Variants in FZD1 observed in about 807,000 individuals in gnomAD.
The protein encoded by FZD1 is frizzled-1.
A neutral mutation model predicts 48.0 loss-of-function variants in FZD1; 22 were observed. The observed-to-expected ratio is 0.46, with a 90% confidence interval of 0.33 to 0.65. The LOEUF (loss-of-function observed/expected upper bound fraction) is 0.65, where lower values mean the gene tolerates loss of function less well. Ranked by LOEUF, FZD1 falls within the 30% of genes least tolerant of loss-of-function variation. FZD1 has a pLI of 0.02. For synonymous variants in FZD1, 486 were observed against 409.6 expected (o/e 1.19, Z -2.25); for missense variants, 843 against 898.1 (o/e 0.94, Z 0.78).
Position 91,266,701 on chromosome 7 carries a change from C to T in FZD1, c.1821C>T (p.Tyr607=), listed in dbSNP as rs1443021158. 3.1e-6 allele frequency: 5 copies of T among 1,612,138 alleles called. No individual in the cohort carries two copies. The African/African-American group carries it at 4.0e-5, about 13-fold the overall frequency. ...ACTTCACGGTCTTCATGATTAAGTA[C>T]CTTATGACGCTGATCGTGGGCATCA... ...SPDFTVFMIK[Y]LMTLIVGITS... Residue 607 remains tyrosine, a synonymous_variant, in exon 1 of 1, where the codon TAC becomes TAT. Coordinates refer to ENST00000287934, the MANE Select transcript of FZD1 (RefSeq NM_003505.2). The surrounding 1 kb of genome is among the most constrained non-coding windows in gnomAD (Gnocchi z 6.8).
Position 91,264,858 on chromosome 7 carries a change from G to A in FZD1, c.-23G>A. Reference sequence around the variant, plus strand: ...CCCCTGGCAGCCCCAGCGGAGCGGCGCCAAGAGAGGAGCCGAGAAAGTATG... The same window carrying A: ...CCCCTGGCAGCCCCAGCGGAGCGGCACCAAGAGAGGAGCCGAGAAAGTATG... On this transcript the variant is annotated 5_prime_UTR_variant, in exon 1 of 1. Transcript: ENST00000287934. 7.8e-7 allele frequency: 1 copy of A among 1,278,514 alleles called. No homozygotes were observed. Among genetic ancestry groups the A allele is most frequent in the Non-Finnish European group, 9.8e-7 (1 of 1,015,274 alleles). 79.2% of individuals were successfully genotyped at this position (1,278,514 alleles called of 1,614,324 possible).
In FZD1 at chr7:91,265,691, C is replaced by T; in HGVS notation, c.811C>T (p.Arg271Ter). The change falls in exon 1 of 1, where the codon CGA (arginine) becomes TGA (stop). Residue 271 changes from arginine (R) to a stop codon, truncating the protein, a stop_gained. Transcript: ENST00000287934. LOFTEE classifies it high-confidence loss of function. The surrounding 1 kb of genome is among the most constrained non-coding windows in gnomAD (Gnocchi z 6.9). Reference sequence around the variant, plus strand: ...CCCGGGGGGCGCCGGCGCGTCGGAGCGAGGCAAGTTCTCCTGCCCGCGCGC... The same window carrying T: ...CCCGGGGGGCGCCGGCGCGTCGGAGTGAGGCAAGTTCTCCTGCCCGCGCGC... ...GFPGGAGASE[R>*]GKFSCPRALK... 6.3e-7 allele frequency: 1 copy of T among 1,588,390 alleles called. No individual in the cohort carries two copies.
Position 91,265,587 on chromosome 7 carries a change from G to T in FZD1, c.707G>T (p.Gly236Val), listed in dbSNP as rs1803863288. 2.5e-6 allele frequency: 4 copies of T among 1,608,934 alleles called. No homozygotes were observed. Among genetic ancestry groups the T allele is most frequent in the Non-Finnish European group, 3.4e-6 (4 of 1,179,206 alleles). The change falls in exon 1 of 1, where the codon GGC (glycine) becomes GTC (valine). Residue 236 changes from glycine (G) to valine (V), a missense_variant. This residue lies in a region of FZD1 where 490 missense variants were observed against 466.5 expected (regional missense o/e 1.05). Coordinates refer to ENST00000287934, the MANE Select transcript of FZD1 (RefSeq NM_003505.2). The surrounding 1 kb of genome is among the most constrained non-coding windows in gnomAD (Gnocchi z 6.9). ...LCVGQNTSDK[G>V]TPTPSLLPEF... is the part of the protein sequence containing the mutation. ...GTGGGCCAGAACACGTCCGACAAGG[G>T]CACCCCGACGCCCTCGCTGCTTCCA... is the stretch of plus-strand genomic sequence containing the variant.
chr7:91,266,663 C>A lies in FZD1; in HGVS notation c.1783C>A (p.Pro595Thr), dbSNP rs760794294. The A allele has an allele frequency of 6.2e-7, 1 of 1,613,342 alleles. No individual in the cohort carries two copies. The highest frequency in any genetic ancestry group is 8.5e-7 in the Non-Finnish European group (1 of 1,179,920). ...GGGCGGAGGCGCCCCGCCGCACCCGCCCATGAGCCCGGACTTCACGGTCTT... is the reference window on the plus strand; with the variant it reads ...GGGCGGAGGCGCCCCGCCGCACCCGACCATGAGCCCGGACTTCACGGTCTT... ...QAGGGAPPHP[P>T]MSPDFTVFMI... Residue 595 changes from proline to threonine, a missense_variant, in exon 1 of 1, where the codon CCC becomes ACC. Pro to Thr is a conservative substitution (Grantham distance 38). Coordinates refer to ENST00000287934, the MANE Select transcript of FZD1 (RefSeq NM_003505.2). The surrounding 1 kb of genome is among the most constrained non-coding windows in gnomAD (Gnocchi z 6.8).
rs1471984211 is a variant in FZD1, at chr7:91,269,801, A to G, written c.*2977A>G. 1 of 166,988 alleles carries G rather than the reference A, an allele frequency of 6.0e-6. No homozygotes were observed. The highest frequency in any genetic ancestry group is 2.4e-5 in the African/African-American group (1 of 41,454). 10.3% of individuals were successfully genotyped at this position (166,988 alleles called of 1,614,324 possible). A position where few individuals can be genotyped will look rare whatever the true frequency, so the allele number is the denominator to read the frequency against. On this transcript the variant is annotated 3_prime_UTR_variant, in exon 1 of 1. Transcript: ENST00000287934. ...AGGCCAAATTCACACATATCTCCTC[A>G]CTAAGTAGTTCAATTAGATAATTTC...
Position 91,265,935 on chromosome 7 carries a change from A to T in FZD1, c.1055A>T (p.Glu352Val). ...LVDMRRFSYP[E>V]RPIIFLSGCY... Reference sequence around the variant, plus strand: ...GACATGCGGCGCTTCAGCTACCCGGAGCGGCCCATCATCTTCTTGTCCGGC... The same window carrying T: ...GACATGCGGCGCTTCAGCTACCCGGTGCGGCCCATCATCTTCTTGTCCGGC... The change falls in exon 1 of 1, where the codon GAG (glutamate) becomes GTG (valine). Residue 352 changes from glutamate (E) to valine (V), a missense_variant. This residue lies in a region of FZD1 where 353 missense variants were observed against 431.6 expected (regional missense o/e 0.82). Coordinates refer to ENST00000287934, the MANE Select transcript of FZD1 (RefSeq NM_003505.2). The surrounding 1 kb of genome is among the most constrained non-coding windows in gnomAD (Gnocchi z 6.9). 6.2e-7 allele frequency: 1 copy of T among 1,614,118 alleles called. No individual in the cohort carries two copies. Among genetic ancestry groups the T allele is most frequent in the Non-Finnish European group, 8.5e-7 (1 of 1,180,024 alleles).
Position 91,265,775 on chromosome 7 carries a change from C to G in FZD1, c.895C>G (p.Pro299Ala). The G allele has an allele frequency of 6.2e-7, 1 of 1,612,654 alleles. No individual in the cohort carries two copies. Among genetic ancestry groups the G allele is most frequent in the Non-Finnish European group, 8.5e-7 (1 of 1,179,120 alleles). The change falls in exon 1 of 1, where the codon CCT becomes GCT. Residue 299 changes from proline (P) to alanine (A), a missense_variant. Around this residue, in one of 2 missense-constraint regions of FZD1, gnomAD observed 490 missense variants for 466.5 expected, o/e 1.05. Coordinates refer to ENST00000287934, the MANE Select transcript of FZD1 (RefSeq NM_003505.2). This position sits in a 1 kb window ranked among gnomAD's most constrained non-coding sequence, Gnocchi z 6.9. ...HFLGEKDCGA[P>A]CEPTKVYGLM... ...CCTGGGGGAGAAGGACTGCGGCGCA[C>G]CTTGTGAGCCGACCAAGGTGTATGG...
Position 91,264,543 on chromosome 7 carries a change from G to T in FZD1, c.-338G>T, listed in dbSNP as rs1354203424. On this transcript the variant is annotated 5_prime_UTR_variant, in exon 1 of 1. Coordinates refer to ENST00000287934, the MANE Select transcript of FZD1 (RefSeq NM_003505.2). ...GGAGGCGCAGGGGGGAGCCGAGCCC[G>T]CTGGGCTGCGGAGAGTTGCGCTCTC... is the stretch of plus-strand genomic sequence containing the variant. 6 of 343,264 alleles carry T rather than the reference G, an allele frequency of 1.7e-5. No homozygotes were observed. The highest frequency in any genetic ancestry group is 2.6e-5 in the Non-Finnish European group (5 of 189,748). The allele number at this position is 343,264 out of a possible 1,614,324, so 21.3% of individuals were successfully genotyped here.
chr7:91,265,562 G>T lies in FZD1; in HGVS notation c.682G>T (p.Val228Leu). The T allele has an allele frequency of 6.2e-7, 1 of 1,610,702 alleles. No individual in the cohort carries two copies. ...FPVHGAGELC[V>L]GQNTSDKGTP... is the part of the protein sequence containing the mutation. ...GGTGCACGGCGCCGGCGAGCTGTGC[G>T]TGGGCCAGAACACGTCCGACAAGGG... Residue 228 changes from valine (V) to leucine (L), a missense_variant, in exon 1 of 1, where the codon GTG becomes TTG. By Grantham distance (32) the Val-to-Leu change is conservative. This residue lies in a region of FZD1 where 490 missense variants were observed against 466.5 expected (regional missense o/e 1.05). Coordinates refer to ENST00000287934, the MANE Select transcript of FZD1 (RefSeq NM_003505.2). The surrounding 1 kb of genome is among the most constrained non-coding windows in gnomAD (Gnocchi z 6.9).
chr7:91,269,986 G>A lies in FZD1; in HGVS notation c.*3162G>A, dbSNP rs1163550525. On this transcript the variant is annotated 3_prime_UTR_variant, in exon 1 of 1. Transcript: ENST00000287934. The stretch of plus-strand genomic sequence containing the variant: ...AGAAGACATTTTTAAGTCACCACCA[G>A]CCTTTATTCTTAGAAAACAATTTAT... The A allele has an allele frequency of 6.0e-6, 1 of 167,002 alleles. No individual in the cohort carries two copies. The highest frequency in any genetic ancestry group is 1.5e-5 in the Non-Finnish European group (1 of 68,104). 10.3% of individuals were successfully genotyped at this position (167,002 alleles called of 1,614,324 possible). A position where few individuals can be genotyped will look rare whatever the true frequency, so the allele number is the denominator to read the frequency against.
rs1201108617 is a variant in FZD1 at position 91,264,551 on chromosome 7, G to A, written c.-330G>A. 2 of 350,292 alleles carry A rather than the reference G, an allele frequency of 5.7e-6. No individual in the cohort carries two copies. Among genetic ancestry groups the A allele is most frequent in the Non-Finnish European group, 1.0e-5 (2 of 194,396 alleles). The allele number at this position is 350,292 out of a possible 1,614,324, so 21.7% of individuals were successfully genotyped here. On this transcript the variant is annotated 5_prime_UTR_variant, in exon 1 of 1. Transcript: ENST00000287934. ...AGGGGGGAGCCGAGCCCGCTGGGCT[G>A]CGGAGAGTTGCGCTCTCTACGGGGC...
chr7:91,266,673 C>T lies in FZD1; in HGVS notation c.1793C>T (p.Pro598Leu), dbSNP rs1413947382. Residue 598 changes from proline to leucine, a missense_variant, in exon 1 of 1, where the codon CCG becomes CTG. By Grantham distance (98) the Pro-to-Leu change is moderately conservative (BLOSUM62 -3). Coordinates refer to ENST00000287934, the MANE Select transcript of FZD1 (RefSeq NM_003505.2). The surrounding 1 kb of genome is among the most constrained non-coding windows in gnomAD (Gnocchi z 6.8). ...GGAPPHPPMSPDFTVFMIKYL... is the reference protein window; with the variant it reads ...GGAPPHPPMSLDFTVFMIKYL... ...GCCCCGCCGCACCCGCCCATGAGCC[C>T]GGACTTCACGGTCTTCATGATTAAG... is the stretch of plus-strand genomic sequence containing the variant. The T allele has an allele frequency of 1.2e-6, 2 of 1,613,304 alleles. No individual in the cohort carries two copies. The highest frequency in any genetic ancestry group is 1.7e-5 in the Admixed American group (1 of 60,018).
In FZD1 at chr7:91,265,838, C is replaced by T; in HGVS notation, c.958C>T (p.Arg320Cys). ...YFGPEELRFS[R>C]TWIGIWSVLC... The stretch of plus-strand genomic sequence containing the variant: ...CGGGCCCGAGGAGCTGCGCTTCTCG[C>T]GCACCTGGATTGGCATTTGGTCAGT... Residue 320 changes from arginine to cysteine, a missense_variant, in exon 1 of 1, where the codon CGC becomes TGC. This residue lies in a region of FZD1 where 490 missense variants were observed against 466.5 expected (regional missense o/e 1.05). Transcript: ENST00000287934. The surrounding 1 kb of genome is among the most constrained non-coding windows in gnomAD (Gnocchi z 6.9). The T allele has an allele frequency of 1.2e-6, 2 of 1,613,696 alleles. No individual in the cohort carries two copies. Among genetic ancestry groups the T allele is most frequent in the African/African-American group, 1.3e-5 (1 of 75,062 alleles).
chr7:91,264,789 C>T lies in FZD1; in HGVS notation c.-92C>T, dbSNP rs1402013375. 2 of 860,282 alleles carry T rather than the reference C, an allele frequency of 2.3e-6. No homozygotes were observed. Among genetic ancestry groups the T allele is most frequent in the Non-Finnish European group, 3.1e-6 (2 of 642,294 alleles). 53.3% of individuals were successfully genotyped at this position (860,282 alleles called of 1,614,324 possible). A position where few individuals can be genotyped will look rare whatever the true frequency, so the allele number is the denominator to read the frequency against. ...GCTTGGGCTCGACGGAGGGCACCCG[C>T]GCAGAGGTCTCCCTGGCCGCAGGGG... On this transcript the variant is annotated 5_prime_UTR_variant, in exon 1 of 1. Coordinates refer to ENST00000287934, the MANE Select transcript of FZD1 (RefSeq NM_003505.2).
chr7:91,264,980 G>A lies in FZD1; in HGVS notation c.100G>A (p.Gly34Ser), dbSNP rs745913961. The change falls in exon 1 of 1, where the codon GGC becomes AGC. Residue 34 changes from glycine to serine, a missense_variant. Gly to Ser is a moderately conservative substitution (Grantham distance 56, BLOSUM62 0). Transcript: ENST00000287934. ...GALSARLAEE[G>S]SGDAGGRRRP... is the part of the protein sequence containing the mutation. ...GCTCTCGGCCCGGCTGGCGGAGGAG[G>A]GCAGCGGGGACGCCGGTGGCCGCCG... 6 of 1,395,898 alleles carry A rather than the reference G, an allele frequency of 4.3e-6. No homozygotes were observed. In the South Asian group the frequency reaches 7.9e-5, roughly 18 times the overall value. 86.5% of individuals were successfully genotyped at this position (1,395,898 alleles called of 1,614,324 possible).
In FZD1 at chr7:91,265,205, T is replaced by A. The variant is rs992945609; in HGVS notation, c.325T>A (p.Ser109Thr). 2 of 1,613,690 alleles carry A rather than the reference T, an allele frequency of 1.2e-6. No homozygotes were observed. The highest frequency in any genetic ancestry group is 1.7e-6 in the Non-Finnish European group (2 of 1,179,892). The part of the protein sequence containing the change: ...GQQYNGERGI[S>T]VPDHGYCQPI... ...GCAGTACAACGGCGAGCGGGGCATC[T>A]CCGTCCCGGACCACGGCTATTGCCA... Residue 109 changes from serine to threonine, a missense_variant, in exon 1 of 1, where the codon TCC becomes ACC. Ser to Thr is a moderately conservative substitution (Grantham distance 58). Transcript: ENST00000287934. The surrounding 1 kb of genome is among the most constrained non-coding windows in gnomAD (Gnocchi z 6.9).
At position 91,264,493 on chromosome 7, in the gene FZD1, A is replaced by T. The variant is rs1803831310; in HGVS notation, c.-388A>T. ...AGTTGAGGGATTGACACAAATGGTC[A>T]GGCGGCGGCGGCGGAGAAGGAGGCG... On this transcript the variant is annotated 5_prime_UTR_variant, in exon 1 of 1. Transcript: ENST00000287934. 2 of 298,488 alleles carry T rather than the reference A, an allele frequency of 6.7e-6. No homozygotes were observed. The highest frequency in any genetic ancestry group is 1.2e-5 in the Non-Finnish European group (2 of 161,430). The allele number at this position is 298,488 out of a possible 1,614,324, so 18.5% of individuals were successfully genotyped here. A position where few individuals can be genotyped will look rare whatever the true frequency, so the allele number is the denominator to read the frequency against.
At position 91,269,046 on chromosome 7, in the gene FZD1, A is replaced by T. The variant is rs1713706460; in HGVS notation, c.*2222A>T. The T allele has an allele frequency of 6.0e-6, 1 of 166,508 alleles. No individual in the cohort carries two copies. Among genetic ancestry groups the T allele is most frequent in the Non-Finnish European group, 1.5e-5 (1 of 68,078 alleles). The allele number at this position is 166,508 out of a possible 1,614,324, so 10.3% of individuals were successfully genotyped here. A position where few individuals can be genotyped will look rare whatever the true frequency, so the allele number is the denominator to read the frequency against. Reference sequence around the variant, plus strand: ...TTCTTTCAGGGAATAAATTTACATGACTTTTTATATTATGGAGGTTTATTT... The same window carrying T: ...TTCTTTCAGGGAATAAATTTACATGTCTTTTTATATTATGGAGGTTTATTT... On this transcript the variant is annotated 3_prime_UTR_variant, in exon 1 of 1. Coordinates refer to ENST00000287934, the MANE Select transcript of FZD1 (RefSeq NM_003505.2).
At position 91,264,639 on chromosome 7, in the gene FZD1, C is replaced by G; in HGVS notation, c.-242C>G. On this transcript the variant is annotated 5_prime_UTR_variant, in exon 1 of 1. Coordinates refer to ENST00000287934, the MANE Select transcript of FZD1 (RefSeq NM_003505.2). ...CGAGCCGAGGGCCAGGAAGGCGGGACACGACCCCGGCGCGCCCTAGCCACC... is the reference window on the plus strand; with the variant it reads ...CGAGCCGAGGGCCAGGAAGGCGGGAGACGACCCCGGCGCGCCCTAGCCACC... 2.6e-6 allele frequency: 1 copy of G among 386,082 alleles called. No individual in the cohort carries two copies. The highest frequency in any genetic ancestry group is 4.6e-6 in the Non-Finnish European group (1 of 218,576). The allele number at this position is 386,082 out of a possible 1,614,324, so 23.9% of individuals were successfully genotyped here.
Sources: gnomAD v4.1 joint callset for allele counts on GRCh38, gnomAD v4.1.1 for gene constraint, gnomAD v4.1.1 regional missense constraint, Gnocchi (gnomAD v3.1) non-coding constraint, MANE v1.5 for transcripts, NCBI Gene and HGNC (gene_info 2026-07-23, HGNC 2026-07-21) for gene names.